Variants in TRIP11 observed in about 807,000 individuals in gnomAD.
The protein encoded by TRIP11 is thyroid receptor-interacting protein 11.
Under a neutral mutation model 223.1 loss-of-function variants are expected in TRIP11, and 148 were observed. That is an observed-to-expected ratio of 0.66 (90% confidence interval 0.58 to 0.76). The LOEUF is 0.76. Ranked by LOEUF, TRIP11 falls within the 30% of genes least tolerant of loss-of-function variation. TRIP11 has a pLI of 0.00. For missense variants in TRIP11, 2,043 were observed against 2,222.0 expected, an observed-to-expected ratio of 0.92 and a Z score of 1.62; for synonymous variants, 762 against 772.6, an observed-to-expected ratio of 0.99 and a Z score of 0.23.
In TRIP11 at chr14:91,988,429, C is replaced by A. The variant is rs1413727644; in HGVS notation, c.5161-46G>T. The A allele has an allele frequency of 2.0e-6, 3 of 1,527,858 alleles. No individual in the cohort carries two copies. The African/African-American group carries it at 4.1e-5, about 21-fold the overall frequency. 94.6% of individuals were successfully genotyped at this position (1,527,858 alleles called of 1,614,324 possible). ...AAAAAAAAGTATGCAAAAATTATTT[C>A]ACAAACTATAAGGCTGAGAGACATC... On this transcript the variant is annotated intron_variant, in intron 15 of 20. Coordinates refer to ENST00000267622, the MANE Select transcript of TRIP11 (RefSeq NM_004239.4).
rs1229284775 is a variant in TRIP11, at chr14:91,988,328, T to C, written c.5216A>G (p.Gln1739Arg). The C allele has an allele frequency of 6.2e-7, 1 of 1,613,652 alleles. No homozygotes were observed. Among genetic ancestry groups the C allele is most frequent in the African/African-American group, 1.3e-5 (1 of 74,918 alleles). ...AATTTGTTCTTCTTTTACATCTAAC[T>C]GTTCTGTAAGTCTTGATGCTGAATC... ...ALDSASRLTE[Q>R]LDVKEEQIEE... Residue 1739 changes from glutamine (Q) to arginine (R), a missense_variant, in exon 16 of 21, where the codon CAG (glutamine) becomes CGG (arginine). Physicochemically the swap from Gln to Arg is conservative, Grantham distance 43 (BLOSUM62 1). Coordinates refer to ENST00000267622, the MANE Select transcript of TRIP11 (RefSeq NM_004239.4).
chr14:91,972,884 T>C (rs758124046), intron 19 of TRIP11, 23 bp from the exon 20 acceptor site: 3 of 1,586,488 alleles, frequency 1.9e-6, no homozygotes, highest in Non-Finnish European at 2.6e-6. Flanking sequence ...ATTTTGGTTA[T>C]ATTAGGCTAG....
intron 6 of TRIP11, among the ~76,000 whole-genome samples, chr14:92,015,110 G>T (rs1375163807): frequency 1.3e-5 from 2 of 151,864 alleles, no homozygotes; most frequent in African/African-American, 4.8e-5. Context: ...CGCCATGTTG[G>T]CCAGGCTGGT....
intron 15 of TRIP11, among the ~76,000 whole-genome samples, chr14:91,990,298 T>C (rs565911974): frequency 6.6e-6 from 1 of 152,338 alleles, no homozygotes; most frequent in Non-Finnish European, 1.5e-5. Context: ...TTTGTACTTA[T>C]GAAGTTATTA....
In TRIP11 at chr14:92,003,543, T is replaced by C; in HGVS notation, c.4433A>G (p.Glu1478Gly). Residue 1478 changes from glutamate to glycine, a missense_variant, in exon 11 of 21, where the codon GAA becomes GGA. Transcript: ENST00000267622. The stretch of plus-strand genomic sequence containing the variant: ...GTTAGTCTCTTGTAACGCTTGATAT[T>C]CTGTTTCCTTTCCCCTGTATGTTTC... ...IVETYRGKET[E>G]YQALQETNMK... 2 of 1,614,150 alleles carry C rather than the reference T, an allele frequency of 1.2e-6. No individual in the cohort carries two copies. Among genetic ancestry groups the C allele is most frequent in the Non-Finnish European group, 1.7e-6 (2 of 1,179,998 alleles).
intron 4 of TRIP11, among the ~76,000 whole-genome samples, chr14:92,019,336 C>T (rs2057080657): frequency 6.6e-6 from 1 of 152,104 alleles, no homozygotes; most frequent in African/African-American, 2.4e-5. Flanking sequence ...CAGTTTAAGG[C>T]CCTAAAACTG....
chr14:92,035,527 T>G (rs2057314558), intron 1 of TRIP11, among the ~76,000 whole-genome samples: 1 of 148,044 alleles, frequency 6.8e-6, no homozygotes, highest in Non-Finnish European at 1.5e-5. Context: ...CAATCGCTAA[T>G]GAGCTTTAAA....
At chr14:91,977,223 T>C (rs1384678328) in intron 16 of TRIP11, 5 of 454,962 alleles carry the variant, frequency 1.1e-5, no homozygotes, top group Non-Finnish European at 2.2e-5. Flanking sequence ...ATTCTGTGAG[T>C]TGTCATCTCA....
chr14:91,980,806 T>C (rs17127800), intron 16 of TRIP11, among the ~76,000 whole-genome samples: 4,467 of 151,712 alleles, frequency 0.029, 213 homozygotes, highest in African/African-American at 0.093. Flanking sequence ...GCATCTGGTG[T>C]CTTATCTGCA....
At chr14:92,039,430 G>A (rs2057359019) in intron 1 of TRIP11, 117 bp downstream of exon 1, 1 of 1,101,404 alleles carries the variant, frequency 9.1e-7, no homozygotes, top group African/African-American at 1.6e-5. Flanking sequence ...GAAGAAAAAA[G>A]GGAGGAGCAG....
chr14:92,017,542 T>C (rs1437202750), intron 5 of TRIP11, 140 bp downstream of exon 5: 4 of 681,162 alleles, frequency 5.9e-6, no homozygotes, highest in South Asian at 3.6e-5. Context: ...TGAGATCCTA[T>C]CTCTAAAAGA....
At chr14:91,976,227 GATTAAA>G in intron 16 of TRIP11, 38 bp from the exon 17 acceptor site, 2 of 1,541,390 alleles carry the variant, frequency 1.3e-6, no homozygotes, top group South Asian at 2.2e-5. Flanking sequence ...GCCATTAACT[GATTAAA>G]ATAGTCTGGA....
chr14:92,026,712 T>A (rs913593161), intron 2 of TRIP11: 5 of 1,022,938 alleles, frequency 4.9e-6, no homozygotes, highest in Non-Finnish European at 7.7e-6. Context: ...ATGAAGTAGA[T>A]GAAGAACAGG....
At chr14:92,010,153 C>T (rs890015321) in intron 9 of TRIP11, among the ~76,000 whole-genome samples, 3 of 152,230 alleles carry the variant, frequency 2.0e-5, no homozygotes, top group Non-Finnish European at 2.9e-5. Flanking sequence ...CTTTCCCTTT[C>T]AGAATCTTAT....
intron 9 of TRIP11, among the ~76,000 whole-genome samples, 196 bp from the exon 10 acceptor site, chr14:92,008,048 T>C (rs1367923894): frequency 6.6e-6 from 1 of 152,212 alleles, no homozygotes; most frequent in Non-Finnish European, 1.5e-5. Flanking sequence ...TACTTGTAGC[T>C]TCAAGCAAAA....
intron 2 of TRIP11, among the ~76,000 whole-genome samples, chr14:92,032,832 CAAA>C (rs200430285): frequency 0.014 from 1,040 of 75,348 alleles, 11 homozygotes; most frequent in African/African-American, 0.044. Context: ...GACCCCGTTT[CAAA>C]AAAAAAAAAA....
intron 8 of TRIP11, 35 bp downstream of exon 8, chr14:92,011,718 GTC>G: frequency 6.4e-7 from 1 of 1,573,928 alleles, no homozygotes. Context: ...TGCTTCCACT[GTC>G]TCTATGCACA....
chr14:92,005,972 T>A lies in TRIP11; in HGVS notation c.2004A>T (p.Leu668Phe), dbSNP rs762335316. Residue 668 changes from leucine to phenylalanine, a missense_variant, in exon 11 of 21, where the codon TTA (leucine) becomes TTT (phenylalanine). Coordinates refer to ENST00000267622, the MANE Select transcript of TRIP11 (RefSeq NM_004239.4). The stretch of plus-strand genomic sequence containing the variant: ...TTTTGACATCAAAAGCAACTTTCTT[T>A]AAATTTTCATTGAGCTGTTCTAATT... The part of the protein sequence containing the change: ...LSELEQLNEN[L>F]KKVAFDVKME... The A allele has an allele frequency of 4.3e-6, 7 of 1,612,454 alleles. No homozygotes were observed. Among genetic ancestry groups the A allele is most frequent in the Non-Finnish European group, 5.9e-6 (7 of 1,179,656 alleles).
At chr14:91,988,633 T>TAAAAA (rs749287959) in intron 15 of TRIP11, among the ~76,000 whole-genome samples, 1 of 99,512 alleles carries the variant, frequency 1.0e-5, no homozygotes. Flanking sequence ...ATGACAGAAG[T>TAAAAA]AAAAAAAAAA....
Sources: allele counts gnomAD v4.1 joint callset (sites outside exome capture counted in the v4.1 genomes callset), GRCh38; gene constraint gnomAD v4.1.1; transcripts MANE v1.5; gene names NCBI Gene and HGNC (gene_info 2026-07-23, HGNC 2026-07-21).